TRIO: variants seen among roughly 807,000 people sequenced by gnomAD.
TRIO encodes triple functional domain protein.
Under a neutral mutation model 351.9 loss-of-function variants are expected in TRIO, and 58 were observed. The observed-to-expected ratio is 0.16, with a 90% CI of 0.13 to 0.21. TRIO has a LOEUF of 0.21. TRIO is among the 10% of genes least tolerant of loss of function. The pLI is 1.00. For missense variants in TRIO, 3,201 were observed against 4,027.8 expected (o/e 0.79, Z 5.56); for synonymous variants, 1,758 against 1,595.7 (o/e 1.10, Z -2.42).
intron 11 of TRIO, among the ~76,000 whole-genome samples, chr5:14,356,816 T>G (rs951324872): frequency 1.3e-5 from 2 of 151,768 alleles, no homozygotes; most frequent in South Asian, 2.1e-4. Context: ...ATACACACAG[T>G]AGTATGGATA....
chr5:14,373,212 A>C lies in TRIO; in HGVS notation c.3217-1017A>C, dbSNP rs564044768. Among the ~76,000 whole-genome samples the C allele has an allele frequency of 3.3e-5, 5 of 152,348 alleles. No individual in the cohort carries two copies. In the East Asian group the frequency reaches 7.7e-4, roughly 24 times the overall value. On this transcript the variant is annotated intron_variant, in intron 18 of 56. Coordinates refer to ENST00000344204, the MANE Select transcript of TRIO (RefSeq NM_007118.4). ...AGATTACAATTCGGATTACAATTCA[A>C]GATGACATTTGGGTGGGAACACAGA...
chr5:14,502,698 C>T (rs769995979), intron 54 of TRIO, 41 bp downstream of exon 54: 54 of 1,589,994 alleles, frequency 3.4e-5, no homozygotes, highest in South Asian at 6.6e-5. Context: ...AAGAGCAGAG[C>T]GTGGGGAAGA....
In TRIO at chr5:14,482,855, A is replaced by G. The variant is rs1755635501; in HGVS notation, c.6657+82A>G. 4 of 1,259,128 alleles carry G rather than the reference A, an allele frequency of 3.2e-6. No individual in the cohort carries two copies. The South Asian group carries it at 6.0e-5, about 19-fold the overall frequency. The allele number at this position is 1,259,128 out of a possible 1,614,324, so 78.0% of individuals were successfully genotyped here. ...TACACTGTTTCCTTTTAATGATGAC[A>G]TACCCTGATGCTTCGTTTAAGTATT... is the stretch of plus-strand genomic sequence containing the variant. On this transcript the variant is annotated intron_variant, in intron 46 of 56. Transcript: ENST00000344204.
chr5:14,464,319 T>G (rs758810968), intron 36 of TRIO, among the ~76,000 whole-genome samples: 1 of 152,202 alleles, frequency 6.6e-6, no homozygotes, highest in Non-Finnish European at 1.5e-5. Flanking sequence ...AAGGGAGGAT[T>G]TTTCTCCATT....
At chr5:14,419,692 A>AC in intron 33 of TRIO, 86 bp from the exon 34 acceptor site, 2 of 1,558,822 alleles carry the variant, frequency 1.3e-6, no homozygotes, top group Non-Finnish European at 1.7e-6. Flanking sequence ...GGTGGCAGGA[A>AC]CCCACCTGGA....
chr5:14,257,674 A>G (rs1289194503), intron 1 of TRIO, among the ~76,000 whole-genome samples: 1 of 152,174 alleles, frequency 6.6e-6, no homozygotes, highest in African/African-American at 2.4e-5. Context: ...GGGAGAAGTT[A>G]TGGAGAAATT....
rs1367695132 is a variant in TRIO, at chr5:14,286,984, A to G, written c.461A>G (p.His154Arg). 1 of 1,614,070 alleles carries G rather than the reference A, an allele frequency of 6.2e-7. No homozygotes were observed. The highest frequency in any genetic ancestry group is 8.5e-7 in the Non-Finnish European group (1 of 1,180,032). Residue 154 changes from histidine (H) to arginine (R), a missense_variant, in exon 4 of 57, where the codon CAT (histidine) becomes CGT (arginine). Around this residue, in one of 19 missense-constraint regions of TRIO, gnomAD observed 30 missense variants for 35.1 expected, o/e 0.85. Coordinates refer to ENST00000344204, the MANE Select transcript of TRIO (RefSeq NM_007118.4). The surrounding 1 kb of genome is among the most constrained non-coding windows in gnomAD (Gnocchi z 4.4). Reference protein sequence around the residue: ...ILQESFPCCIHVALIIKPDNF... With the variant: ...ILQESFPCCIRVALIIKPDNF... Reference sequence around the variant, plus strand: ...CAGGAGTCCTTCCCCTGCTGCATCCATGTGGCCCTGATCATCAAGCCAGAC... The same window carrying G: ...CAGGAGTCCTTCCCCTGCTGCATCCGTGTGGCCCTGATCATCAAGCCAGAC...
intron 1 of TRIO, among the ~76,000 whole-genome samples, chr5:14,260,975 G>A (rs575182077): frequency 2.0e-5 from 3 of 152,166 alleles, no homozygotes; most frequent in Admixed American, 1.3e-4. Context: ...GCCCCTGGAT[G>A]AGGATTGCGG....
intron 36 of TRIO, among the ~76,000 whole-genome samples, chr5:14,464,130 C>A (rs1490747847): frequency 6.6e-6 from 1 of 152,208 alleles, no homozygotes; most frequent in African/African-American, 2.4e-5. Flanking sequence ...CCCCCTACCC[C>A]ACCCAGTACA....
Position 14,461,272 on chromosome 5 carries a change from C to T in TRIO, c.5457C>T (p.Asp1819=), listed in dbSNP as rs371802646. 32 of 1,596,344 alleles carry T rather than the reference C, an allele frequency of 2.0e-5. No homozygotes were observed. The highest frequency in any genetic ancestry group is 2.6e-5 in the Non-Finnish European group (30 of 1,172,902). ...ACGCCGGCTCGCAGAAGGACTCCGA[C>T]GACAGTGCGGCCACCCCGCAGGACG... is the stretch of plus-strand genomic sequence containing the variant. ...SADAGSQKDS[D]DSAATPQDET... is the part of the protein sequence containing the mutation. Residue 1819 remains aspartate, a synonymous_variant, in exon 35 of 57, where the codon GAC becomes GAT. Transcript: ENST00000344204.
intron 34 of TRIO, among the ~76,000 whole-genome samples, chr5:14,436,661 C>T (rs1474106324): frequency 6.6e-6 from 1 of 152,194 alleles, no homozygotes; most frequent in Admixed American, 6.5e-5. Flanking sequence ...TGGGTAAATA[C>T]AGCCATTCCA....
chr5:14,270,857 G>C lies in TRIO; in HGVS notation c.190G>C (p.Asp64His). Reference sequence around the variant, plus strand: ...AAAAAACGATGAAATGAAAGCTATGGATGTTTTACCAATTTTGAAGGAAAA... The same window carrying C: ...AAAAAACGATGAAATGAAAGCTATGCATGTTTTACCAATTTTGAAGGAAAA... ...FRKNDEMKAM[D>H]VLPILKEKVA... The change falls in exon 2 of 57, where the codon GAT becomes CAT. Residue 64 changes from aspartate to histidine, a missense_variant. This residue lies in a region of TRIO where 109 missense variants were observed against 134.6 expected (regional missense o/e 0.81). Transcript: ENST00000344204. The C allele has an allele frequency of 6.2e-7, 1 of 1,613,994 alleles. No individual in the cohort carries two copies. The highest frequency in any genetic ancestry group is 8.5e-7 in the Non-Finnish European group (1 of 1,179,962).
Position 14,348,663 on chromosome 5 carries a change from GTA to G in TRIO, c.2047-9511_2047-9510del, listed in dbSNP as rs764309197. 9.0e-5 allele frequency among the ~76,000 whole-genome samples: 13 copies of G among 144,626 alleles called. No homozygotes were observed. In the East Asian group the frequency reaches 1.5e-3, roughly 17 times the overall value. 94.9% of individuals were successfully genotyped at this position (144,626 alleles called of 152,430 possible). On this transcript the variant is annotated intron_variant, in intron 11 of 56. Transcript: ENST00000344204. ...GCATGTGAACCTGTTTTTCCTGTGT[GTA>G]TATGTGTGTGTACGCACATGAGCAT...
At chr5:14,351,049 G>T (rs995155680) in intron 11 of TRIO, among the ~76,000 whole-genome samples, 1 of 152,184 alleles carries the variant, frequency 6.6e-6, no homozygotes, top group East Asian at 1.9e-4. Context: ...CTGAACTCAG[G>T]TGTTAATGAC....
intron 8 of TRIO, among the ~76,000 whole-genome samples, chr5:14,309,194 A>G (rs1481484454): frequency 6.6e-6 from 1 of 151,822 alleles, no homozygotes; most frequent in African/African-American, 2.4e-5. Flanking sequence ...TTCGAATCCA[A>G]TACCTCAGGG....
chr5:14,363,855 A>G lies in TRIO; in HGVS notation c.2515A>G (p.Asn839Asp), dbSNP rs763202605. 6.2e-7 allele frequency: 1 copy of G among 1,614,228 alleles called. No individual in the cohort carries two copies. Among genetic ancestry groups the G allele is most frequent in the Admixed American group, 1.7e-5 (1 of 60,032 alleles). ...QHHADKALTM[N>D]NLTFDVIHQG... is the part of the protein sequence containing the mutation. ...CCATGCAGACAAAGCCTTGACCATG[A>G]ACAACTTGACTTTTGACGTCATCCA... Residue 839 changes from asparagine (N) to aspartate (D), a missense_variant, in exon 14 of 57, where the codon AAC (asparagine) becomes GAC (aspartate). Transcript: ENST00000344204.
At chr5:14,167,540 A>G (rs1274032186) in intron 1 of TRIO, among the ~76,000 whole-genome samples, 1 of 152,226 alleles carries the variant, frequency 6.6e-6, no homozygotes, top group African/African-American at 2.4e-5. Context: ...TATTTTAAGA[A>G]AAGATACCCA....
intron 49 of TRIO, among the ~76,000 whole-genome samples, chr5:14,495,430 C>T (rs58753685): frequency 6.6e-6 from 1 of 152,076 alleles, no homozygotes; most frequent in South Asian, 2.1e-4. Context: ...CAAAGAAGTT[C>T]TACTCTGGGT....
intron 18 of TRIO, among the ~76,000 whole-genome samples, chr5:14,373,691 A>C (rs1042363894): frequency 2.6e-5 from 4 of 152,234 alleles, no homozygotes; most frequent in East Asian, 1.9e-4. Flanking sequence ...CAAGTTCTGA[A>C]CTGAGGGCTA....
Sources: gnomAD v4.1 joint callset for allele counts (sites outside exome capture counted in the v4.1 genomes callset) on GRCh38, gnomAD v4.1.1 for gene constraint, gnomAD v4.1.1 regional missense constraint, Gnocchi (gnomAD v3.1) non-coding constraint, MANE v1.5 for transcripts, NCBI Gene and HGNC (gene_info 2026-07-23, HGNC 2026-07-21) for gene names.